Variants in NLRP1 observed in about 807,000 individuals in gnomAD.
NLRP1 encodes the protein NLR family pyrin domain containing 1.
In NLRP1, 94 loss-of-function variants were observed where a neutral mutation model predicts 136.7. That is an observed-to-expected ratio of 0.69 (90% CI 0.58 to 0.82). The LOEUF is 0.82. NLRP1 is among the 40% of genes least tolerant of loss of function. NLRP1 has a pLI of 0.00. For missense variants in NLRP1, 1,575 were observed against 1,802.7 expected, an observed-to-expected ratio of 0.87 and a Z score of 2.29; for synonymous variants, 690 against 725.1, an observed-to-expected ratio of 0.95 and a Z score of 0.78.
chr17:5,565,181 T>G (rs1915198020), intron 3 of NLRP1, among the ~76,000 whole-genome samples: 1 of 152,182 alleles, frequency 6.6e-6, no homozygotes, highest in Non-Finnish European at 1.5e-5. Context: ...TAAAAGCCAT[T>G]TTAGCTGGGG....
intron 12 of NLRP1, among the ~76,000 whole-genome samples, chr17:5,527,336 C>T (rs563571847): frequency 1.8e-4 from 28 of 152,350 alleles, no homozygotes; most frequent in African/African-American, 6.0e-4. Context: ...CCATCCTGGG[C>T]CGCATGTGGC....
intron 15 of NLRP1, among the ~76,000 whole-genome samples, chr17:5,507,460 C>T (rs7405894): frequency 0.16 from 24,750 of 152,038 alleles, 2,307 homozygotes; most frequent in Admixed American, 0.26. Flanking sequence ...TCTGGGAGGC[C>T]GAGGTGGGCA....
chr17:5,515,132 G>A, intron 16 of NLRP1, 59 bp from the exon 17 acceptor site: 1 of 1,471,242 alleles, frequency 6.8e-7, no homozygotes, highest in Non-Finnish European at 9.4e-7. Flanking sequence ...CCCACCTTCA[G>A]TGCTTTCCTC....
intron 3 of NLRP1, among the ~76,000 whole-genome samples, chr17:5,561,301 C>T (rs144145712): frequency 0.041 from 6,281 of 152,266 alleles, 167 homozygotes; most frequent in Middle Eastern, 0.082. Flanking sequence ...GTGATCTGCC[C>T]GCCTCAGCCT....
intron 3 of NLRP1, among the ~76,000 whole-genome samples, chr17:5,564,734 GTTTTTT>G (rs59428190): frequency 3.1e-5 from 3 of 97,818 alleles, no homozygotes; most frequent in Admixed American, 1.2e-4. Context: ...AATTTTTAGT[GTTTTTT>G]TTTTTTTTTT....
chr17:5,527,374 T>C (rs1019134752), intron 12 of NLRP1, among the ~76,000 whole-genome samples: 1 of 152,178 alleles, frequency 6.6e-6, no homozygotes, highest in Admixed American at 6.5e-5. Flanking sequence ...TACAAGCTTG[T>C]GTACGGAGTC....
intron 7 of NLRP1, among the ~76,000 whole-genome samples, chr17:5,538,617 C>T (rs1032107163): frequency 2.0e-5 from 3 of 152,110 alleles, no homozygotes; most frequent in East Asian, 1.9e-4. Context: ...GACCAGTGTC[C>T]GTCTCTTCCC....
Position 5,581,960 on chromosome 17 carries a change from C to T in NLRP1, c.551G>A (p.Gly184Glu), listed in dbSNP as rs199715204. The change falls in exon 3 of 17, where the codon GGG becomes GAG. Residue 184 changes from glycine to glutamate, a missense_variant. Gly to Glu is a moderately conservative substitution (Grantham distance 98). Transcript: ENST00000572272. ...PNAPTSTAVL[G>E]SWGSPPQPSL... Reference sequence around the variant, plus strand: ...GGGCTGAGGTGGGGATCCCCAGCTCCCCAGCACTGCTGTGGATGTGGGGGC... The same window carrying T: ...GGGCTGAGGTGGGGATCCCCAGCTCTCCAGCACTGCTGTGGATGTGGGGGC... The T allele has an allele frequency of 6.8e-6, 11 of 1,613,742 alleles. No individual in the cohort carries two copies. The African/African-American group carries it at 1.3e-4, about 20-fold the overall frequency.
At chr17:5,531,223 T>C (rs1910233853) in intron 11 of NLRP1, among the ~76,000 whole-genome samples, 1 of 145,492 alleles carries the variant, frequency 6.9e-6, no homozygotes, top group Admixed American at 6.9e-5. Context: ...TATCTATCTA[T>C]CTAATCTATG....
chr17:5,553,709 G>T (rs1041747265), intron 4 of NLRP1, among the ~76,000 whole-genome samples, 153 bp from the exon 5 acceptor site: 4 of 98,190 alleles, frequency 4.1e-5, no homozygotes, highest in African/African-American at 1.3e-4. Flanking sequence ...CTCCCTGCCT[G>T]TCTGCCCGTC....
intron 15 of NLRP1, chr17:5,502,056 G>A (rs545808189): frequency 1.7e-6 from 1 of 584,400 alleles, no homozygotes; most frequent in Non-Finnish European, 3.1e-6. Context: ...CTGTAACCAG[G>A]GTGCTGTTCC....
At chr17:5,564,570 C>T (rs541616398) in intron 3 of NLRP1, among the ~76,000 whole-genome samples, 25 of 152,184 alleles carry the variant, frequency 1.6e-4, no homozygotes, top group African/African-American at 4.1e-4. Context: ...ATATGCACCA[C>T]GTTTTCTATA....
chr17:5,556,320 G>T (rs1181479410), intron 4 of NLRP1, among the ~76,000 whole-genome samples: 2 of 151,946 alleles, frequency 1.3e-5, no homozygotes, highest in Non-Finnish European at 2.9e-5. Context: ...GCTGCATGTT[G>T]GCATGCTCCT....
chr17:5,539,745 G>C (rs1477693261), intron 6 of NLRP1, 160 bp from the exon 7 acceptor site: 1 of 900,146 alleles, frequency 1.1e-6, no homozygotes, highest in East Asian at 1.2e-4. Context: ...TAACCTGAGA[G>C]ATTTTCACTT....
intron 12 of NLRP1, among the ~76,000 whole-genome samples, chr17:5,528,145 C>A (rs1036498607): frequency 6.6e-6 from 1 of 152,210 alleles, no homozygotes; most frequent in Non-Finnish European, 1.5e-5. Flanking sequence ...GGCAGAGCTA[C>A]GACAGAGCTG....
intron 3 of NLRP1, among the ~76,000 whole-genome samples, chr17:5,569,727 CAA>C (rs1428494931): frequency 1.3e-5 from 2 of 151,820 alleles, no homozygotes; most frequent in African/African-American, 4.8e-5. Flanking sequence ...AGAATACTAA[CAA>C]AGATATTTGG....
intron 8 of NLRP1, 62 bp downstream of exon 8, chr17:5,536,789 C>A: frequency 1.7e-6 from 2 of 1,208,340 alleles, no homozygotes; most frequent in Non-Finnish European, 2.5e-6. Flanking sequence ...ATGGCTCTTT[C>A]CCTGTCTCCT....
In NLRP1 at chr17:5,504,794, G is replaced by A. The variant is rs190900340; in HGVS notation, c.4070-2922C>T. On this transcript the variant is annotated intron_variant, in intron 15 of 15. Transcript: ENST00000262467. This position sits in a 1 kb window ranked among gnomAD's most constrained non-coding sequence, Gnocchi z 4.4. ...GTGCCCTGTTAGCCTTTCCCAGGCC[G>A]CATTCTGGGCCTCACCCTGCAGCAA... 670 of 152,594 alleles carry A rather than the reference G, an allele frequency of 4.4e-3. 16 individuals are homozygous for A. The highest frequency in any genetic ancestry group is 7.5e-4 in the Non-Finnish European group (51 of 68,236). The allele number at this position is 152,594 out of a possible 1,614,324, so 9.5% of individuals were successfully genotyped here.
intron 15 of NLRP1, chr17:5,501,924 G>T: frequency 6.6e-7 from 1 of 1,519,136 alleles, no homozygotes. Flanking sequence ...CCAGTAGATT[G>T]GAGAGGTCCA....
Sources: allele counts gnomAD v4.1 joint callset (sites outside exome capture counted in the v4.1 genomes callset), GRCh38; gene constraint gnomAD v4.1.1; non-coding constraint Gnocchi (gnomAD v3.1); transcripts MANE v1.5; gene names NCBI Gene and HGNC (gene_info 2026-07-23, HGNC 2026-07-21).